The following SV2B variants were observed in gnomAD, a reference collection of about 807,000 sequenced individuals.
SV2B encodes the protein synaptic vesicle glycoprotein 2B, also known as solute carrier family 22 member B2.
SV2B carries 41 observed loss-of-function variants against 73.9 expected under a neutral mutation model. The observed-to-expected ratio is 0.56, with a 90% CI of 0.43 to 0.72. The LOEUF is 0.72. Ranked by LOEUF, SV2B falls within the 30% of genes least tolerant of loss-of-function variation. SV2B has a pLI of 0.00. For synonymous variants in SV2B, 314 were observed against 314.2 expected (o/e 1.00, Z 0.01); for missense variants, 764 against 857.8 (o/e 0.89, Z 1.37).
rs539945531 is a variant in SV2B at position 91,136,894 on chromosome 15, C to A, written c.-392+36531C>A. On this transcript the variant is annotated intron_variant, in intron 1 of 12. Transcript: ENST00000394232. This position sits in a 1 kb window ranked among gnomAD's most constrained non-coding sequence, Gnocchi z 5.6. ...GAGGGCTCTGGGTAGCCAGCTTATT[C>A]CTGCTCTCCTGGTCAATGGCAACTT... is the stretch of plus-strand genomic sequence containing the variant. Among the ~76,000 whole-genome samples the A allele has an allele frequency of 3.9e-5, 6 of 152,234 alleles. No homozygotes were observed. The South Asian group carries it at 1.2e-3, about 32-fold the overall frequency.
rs2048645434 is a variant in SV2B, at chr15:91,280,374, A to G, written c.1374-1354A>G. Among the ~76,000 whole-genome samples the G allele has an allele frequency of 2.0e-5, 3 of 152,104 alleles. No homozygotes were observed. On this transcript the variant is annotated intron_variant, in intron 9 of 12. Coordinates refer to ENST00000394232, the MANE Select transcript of SV2B (RefSeq NM_001323032.3). This position sits in a 1 kb window ranked among gnomAD's most constrained non-coding sequence, Gnocchi z 5.8. ...GATTTCCACTGTATTGTAGTTGCCT[A>G]TTTGCTTGCACTTTTTTCCAATTAG...
At chr15:91,218,093 A>C (rs1423521703) in intron 1 of SV2B, among the ~76,000 whole-genome samples, 1 of 152,216 alleles carries the variant, frequency 6.6e-6, no homozygotes, top group Non-Finnish European at 1.5e-5. Flanking sequence ...AAAGCACACA[A>C]ATTTATTTAA....
chr15:91,176,732 G>A (rs1192368966), intron 1 of SV2B, among the ~76,000 whole-genome samples: 2 of 151,476 alleles, frequency 1.3e-5, no homozygotes, highest in Non-Finnish European at 2.9e-5. Flanking sequence ...ACTTTTTGAT[G>A]GGGTTGTTTG....
intron 1 of SV2B, among the ~76,000 whole-genome samples, chr15:91,215,284 CCAGAGGT>C (rs1404984139): frequency 6.6e-6 from 1 of 152,170 alleles, no homozygotes; most frequent in African/African-American, 2.4e-5. Context: ...AGAACTTAGG[CCAGAGGT>C]TCTTGACTTT....
In SV2B at chr15:91,279,059, T is replaced by G. The variant is rs570621110; in HGVS notation, c.1374-2669T>G. Among the ~76,000 whole-genome samples the G allele has an allele frequency of 9.5e-4, 144 of 152,366 alleles. 1 individual carries two copies. Among genetic ancestry groups the G allele is most frequent in the Non-Finnish European group, 1.5e-3 (105 of 68,036 alleles). Reference sequence around the variant, plus strand: ...ATCTGTGTCTGCACATGCTTTTCCCTCTGTCTGGAATACATGTCCTTATCT... The same window carrying G: ...ATCTGTGTCTGCACATGCTTTTCCCGCTGTCTGGAATACATGTCCTTATCT... On this transcript the variant is annotated intron_variant, in intron 9 of 12. Coordinates refer to ENST00000394232, the MANE Select transcript of SV2B (RefSeq NM_001323032.3).
Position 91,121,465 on chromosome 15 carries a change from T to C in SV2B, c.-392+21102T>C, listed in dbSNP as rs2042333940. ...TATTATTACTGTTTCTATTGCTTTA[T>C]TTTCCCATAATTCTTGGGTAGAATC... On this transcript the variant is annotated intron_variant, in intron 1 of 12. Coordinates refer to ENST00000394232, the MANE Select transcript of SV2B (RefSeq NM_001323032.3). The surrounding 1 kb of genome is among the most constrained non-coding windows in gnomAD (Gnocchi z 4.4). 6.6e-6 allele frequency among the ~76,000 whole-genome samples: 1 copy of C among 152,220 alleles called. No homozygotes were observed. Among genetic ancestry groups the C allele is most frequent in the African/African-American group, 2.4e-5 (1 of 41,456 alleles).
Position 91,293,976 on chromosome 15 carries a change from A to C in SV2B, c.*1424A>C, listed in dbSNP as rs955793603. The C allele has an allele frequency of 6.6e-6, 1 of 152,266 alleles. No homozygotes were observed. Among genetic ancestry groups the C allele is most frequent in the Admixed American group, 6.5e-5 (1 of 15,286 alleles). 9.4% of individuals were successfully genotyped at this position (152,266 alleles called of 1,614,324 possible). On this transcript the variant is annotated 3_prime_UTR_variant, in exon 13 of 13. Transcript: ENST00000394232. ...AGCAATAGACTGAAGTCTTGACTGCATGGAAGAGGAAAAACATCAGAACTG... is the reference window on the plus strand; with the variant it reads ...AGCAATAGACTGAAGTCTTGACTGCCTGGAAGAGGAAAAACATCAGAACTG...
At chr15:91,166,562 C>T (rs2043918689) in intron 1 of SV2B, among the ~76,000 whole-genome samples, 1 of 151,898 alleles carries the variant, frequency 6.6e-6, no homozygotes, top group African/African-American at 2.4e-5. Flanking sequence ...TTTTTCTCCT[C>T]CTCTTTAGAG....
rs1042047329 is a variant in SV2B, at chr15:91,299,577, A to G, written c.*7025A>G. The G allele has an allele frequency of 6.6e-6, 1 of 152,188 alleles. No individual in the cohort carries two copies. The highest frequency in any genetic ancestry group is 2.4e-5 in the African/African-American group (1 of 41,448). The allele number at this position is 152,188 out of a possible 1,614,324, so 9.4% of individuals were successfully genotyped here. A position where few individuals can be genotyped will look rare whatever the true frequency, so the allele number is the denominator to read the frequency against. ...GGATATTTGGTAGGTATCCTTAAAT[A>G]TATAGATGCTTACCAGTAGGTTTAA... On this transcript the variant is annotated 3_prime_UTR_variant, in exon 13 of 13. Transcript: ENST00000394232.
intron 6 of SV2B, among the ~76,000 whole-genome samples, chr15:91,264,205 C>T (rs1220914482): frequency 6.6e-6 from 1 of 152,254 alleles, no homozygotes; most frequent in Non-Finnish European, 1.5e-5. Flanking sequence ...ACTCCTTCTA[C>T]ACCAACCAAA....
chr15:91,203,343 G>A (rs558697543), intron 1 of SV2B, among the ~76,000 whole-genome samples: 2 of 152,326 alleles, frequency 1.3e-5, no homozygotes, highest in South Asian at 2.1e-4. Context: ...TGGAACAGTC[G>A]AGGTCAGCAG....
chr15:91,174,528 C>A (rs1017740708), intron 1 of SV2B, among the ~76,000 whole-genome samples: 1 of 152,164 alleles, frequency 6.6e-6, no homozygotes, highest in African/African-American at 2.4e-5. Context: ...TCTCTAACTT[C>A]CTGCACTGTC....
At chr15:91,201,976 T>G (rs915297392) in intron 1 of SV2B, among the ~76,000 whole-genome samples, 1 of 152,190 alleles carries the variant, frequency 6.6e-6, no homozygotes, top group Non-Finnish European at 1.5e-5. Context: ...GCATGCCACC[T>G]CTGTTCAGTA....
At position 91,300,354 on chromosome 15, in the gene SV2B, T is replaced by G. The variant is rs941835634; in HGVS notation, c.*7802T>G. The G allele has an allele frequency of 2.6e-5, 4 of 152,216 alleles. No individual in the cohort carries two copies. The highest frequency in any genetic ancestry group is 5.9e-5 in the Non-Finnish European group (4 of 68,042). The allele number at this position is 152,216 out of a possible 1,614,324, so 9.4% of individuals were successfully genotyped here. On this transcript the variant is annotated 3_prime_UTR_variant, in exon 13 of 13. Coordinates refer to ENST00000394232, the MANE Select transcript of SV2B (RefSeq NM_001323032.3). ...GGGTGTCTCTATTTTTTGTTGTTACTTCTCTGTTCTTGATGTAATGAGTTA... is the reference window on the plus strand; with the variant it reads ...GGGTGTCTCTATTTTTTGTTGTTACGTCTCTGTTCTTGATGTAATGAGTTA...
Position 91,298,349 on chromosome 15 carries a change from T to A in SV2B, c.*5797T>A, listed in dbSNP as rs989321883. 6.6e-6 allele frequency: 1 copy of A among 152,182 alleles called. No homozygotes were observed. Among genetic ancestry groups the A allele is most frequent in the African/African-American group, 2.4e-5 (1 of 41,426 alleles). The allele number at this position is 152,182 out of a possible 1,614,324, so 9.4% of individuals were successfully genotyped here. On this transcript the variant is annotated 3_prime_UTR_variant, in exon 13 of 13. Coordinates refer to ENST00000394232, the MANE Select transcript of SV2B (RefSeq NM_001323032.3). The surrounding 1 kb of genome is among the most constrained non-coding windows in gnomAD (Gnocchi z 5.4). ...ATTTAGGCCCAGCTCTAAGAACCGT[T>A]TGGAAATAAATCACATAGAGCCTTT...
chr15:91,240,745 C>T lies in SV2B; in HGVS notation c.452-11074C>T, dbSNP rs575514341. 6.6e-6 allele frequency among the ~76,000 whole-genome samples: 1 copy of T among 152,272 alleles called. No homozygotes were observed. The highest frequency in any genetic ancestry group is 1.9e-4 in the East Asian group (1 of 5,180). On this transcript the variant is annotated intron_variant, in intron 2 of 12. Coordinates refer to ENST00000394232, the MANE Select transcript of SV2B (RefSeq NM_001323032.3). This position sits in a 1 kb window ranked among gnomAD's most constrained non-coding sequence, Gnocchi z 4.6. ...TGAGAGGTTCATGTCTGCCAGGACA[C>T]CCCTTACCATCCACATTTGCATTCC... is the stretch of plus-strand genomic sequence containing the variant.
At chr15:91,160,750 C>G (rs2043685598) in intron 1 of SV2B, among the ~76,000 whole-genome samples, 1 of 152,018 alleles carries the variant, frequency 6.6e-6, no homozygotes, top group African/African-American at 2.4e-5. Context: ...GATAAAAGTA[C>G]TAATTAAAAT....
intron 1 of SV2B, among the ~76,000 whole-genome samples, chr15:91,133,723 C>T (rs908612739): frequency 5.9e-5 from 9 of 152,164 alleles, no homozygotes; most frequent in Non-Finnish European, 5.9e-5. Context: ...TCACTGGACA[C>T]AGCTTGGCGC....
At chr15:91,266,516 C>A in intron 6 of SV2B, 66 bp from the exon 7 acceptor site, 1 of 1,238,662 alleles carries the variant, frequency 8.1e-7, no homozygotes, top group Non-Finnish European at 1.2e-6. Context: ...TTACATTAAA[C>A]TACACATTGA....
Sources: allele counts gnomAD v4.1 joint callset (sites outside exome capture counted in the v4.1 genomes callset), GRCh38; gene constraint gnomAD v4.1.1; non-coding constraint Gnocchi (gnomAD v3.1); transcripts MANE v1.5; gene names NCBI Gene and HGNC (gene_info 2026-07-23, HGNC 2026-07-21).